The following RBFOX1 variants were observed in gnomAD, a reference collection of about 807,000 sequenced individuals.
RBFOX1 encodes the protein RNA binding protein fox-1 homolog 1.
A neutral mutation model predicts 57.7 loss-of-function variants in RBFOX1; 8 were observed. The ratio of observed to expected loss-of-function variants is 0.14; its 90% confidence interval spans 0.08 to 0.25. The LOEUF (loss-of-function observed/expected upper bound fraction) is 0.25. Among genes scored for constraint, RBFOX1 ranks in the 10% least tolerant of loss-of-function variants. The probability of loss-of-function intolerance (pLI) is 1.00; values close to 1 mark genes in which losing one functional copy is unlikely to be tolerated. For missense variants in RBFOX1, 611 were observed against 548.5 expected (o/e 1.11, Z -1.14); for synonymous variants, 326 against 222.4 (o/e 1.47, Z -4.15).
intron 4 of RBFOX1, among the ~76,000 whole-genome samples, chr16:7,294,289 C>T (rs1472566168): frequency 6.6e-6 from 1 of 152,130 alleles, no homozygotes; most frequent in East Asian, 1.9e-4. Flanking sequence ...GACTCCCACC[C>T]TCTCAACTGC....
At chr16:5,900,624 T>C (rs2058284051) in intron 4 of RBFOX1, among the ~76,000 whole-genome samples, 1 of 152,178 alleles carries the variant, frequency 6.6e-6, no homozygotes, top group East Asian at 1.9e-4. Context: ...GCCATCCCTC[T>C]AGCCCAGCAA....
chr16:5,753,370 A>G (rs1037641819), intron 3 of RBFOX1, among the ~76,000 whole-genome samples: 2 of 152,252 alleles, frequency 1.3e-5, no homozygotes, highest in African/African-American at 4.8e-5. Context: ...AGTGGTTATT[A>G]TTTTACTGCT....
chr16:6,356,678 C>A (rs2087381853), intron 2 of RBFOX1, among the ~76,000 whole-genome samples: 1 of 152,110 alleles, frequency 6.6e-6, no homozygotes, highest in African/African-American at 2.4e-5. Flanking sequence ...GTAAAGATAC[C>A]ATTACCGTGG....
At chr16:7,529,946 T>A (rs996919448) in intron 5 of RBFOX1, among the ~76,000 whole-genome samples, 23 of 147,448 alleles carry the variant, frequency 1.6e-4, no homozygotes, top group African/African-American at 5.7e-4. Context: ...GAGGCGGAGG[T>A]TGCAGTGAGC....
intron 4 of RBFOX1, among the ~76,000 whole-genome samples, chr16:5,870,032 C>G (rs1029395545): frequency 6.6e-6 from 1 of 151,782 alleles, no homozygotes; most frequent in Non-Finnish European, 1.5e-5. Flanking sequence ...ACCTGTATGA[C>G]TCTTAGTAAT....
intron 14 of RBFOX1, among the ~76,000 whole-genome samples, chr16:7,701,315 G>A (rs553661507): frequency 1.3e-5 from 2 of 151,884 alleles, no homozygotes; most frequent in South Asian, 2.1e-4. Flanking sequence ...GGGGTGGGGG[G>A]TGAGCAACGC....
chr16:5,590,540 A>C (rs4786726), intron 2 of RBFOX1, among the ~76,000 whole-genome samples: 2 of 152,054 alleles, frequency 1.3e-5, no homozygotes, highest in Non-Finnish European at 2.9e-5. Flanking sequence ...AGTTGGCTGC[A>C]TGCTCTTGGC....
chr16:6,190,543 T>G (rs1432740372), intron 1 of RBFOX1, among the ~76,000 whole-genome samples: 1 of 152,198 alleles, frequency 6.6e-6, no homozygotes, highest in Non-Finnish European at 1.5e-5. Flanking sequence ...GTTATGAAGT[T>G]GAATGAGAAA....
intron 1 of RBFOX1, among the ~76,000 whole-genome samples, chr16:5,375,629 ATGT>A (rs2065965898): frequency 6.6e-6 from 1 of 152,208 alleles, no homozygotes; most frequent in Admixed American, 6.5e-5. Flanking sequence ...ACTAACACTA[ATGT>A]TGTAATATCC....
At chr16:6,518,797 GTCTATCTA>G (rs58687392) in intron 2 of RBFOX1, among the ~76,000 whole-genome samples, 4,878 of 103,968 alleles carry the variant, frequency 0.047, 101 homozygotes, top group Admixed American at 0.073. Flanking sequence ...CTGTGTGTCT[GTCTATCTA>G]TCTATCTATC....
At chr16:7,623,804 C>T (rs1389406726) in intron 10 of RBFOX1, among the ~76,000 whole-genome samples, 4 of 152,130 alleles carry the variant, frequency 2.6e-5, no homozygotes, top group Admixed American at 2.0e-4. Context: ...TTGCAGATGA[C>T]CATCTTTTCT....
chr16:5,828,053 C>G (rs370129538), intron 3 of RBFOX1, among the ~76,000 whole-genome samples: 1 of 151,362 alleles, frequency 6.6e-6, no homozygotes, highest in African/African-American at 2.4e-5. Context: ...ATCCATCTAC[C>G]CACCCATCCA....
At chr16:5,905,343 G>C (rs2058432240) in intron 4 of RBFOX1, among the ~76,000 whole-genome samples, 2 of 151,940 alleles carry the variant, frequency 1.3e-5, no homozygotes, top group South Asian at 4.2e-4. Flanking sequence ...ATGAGCTGCT[G>C]TGACGGACCT....
intron 4 of RBFOX1, among the ~76,000 whole-genome samples, chr16:5,903,570 CAA>C (rs1391677895): frequency 6.6e-6 from 1 of 152,148 alleles, no homozygotes; most frequent in Non-Finnish European, 1.5e-5. Flanking sequence ...GCCAGCCAGA[CAA>C]AAACACTGTC....
At chr16:6,732,711 A>G (rs1036765876) in intron 3 of RBFOX1, among the ~76,000 whole-genome samples, 1 of 152,238 alleles carries the variant, frequency 6.6e-6, no homozygotes, top group Non-Finnish European at 1.5e-5. Context: ...CCTAAAGCAC[A>G]TAAGCCTGAT....
intron 3 of RBFOX1, among the ~76,000 whole-genome samples, chr16:5,798,905 C>G (rs1231082071): frequency 2.0e-5 from 3 of 152,006 alleles, no homozygotes; most frequent in South Asian, 2.1e-4. Flanking sequence ...CTGCGTCAGA[C>G]AGGCCCAATT....
intron 3 of RBFOX1, among the ~76,000 whole-genome samples, chr16:6,960,683 T>A (rs2082777903): frequency 6.6e-6 from 1 of 151,934 alleles, no homozygotes; most frequent in African/African-American, 2.4e-5. Context: ...AGGACCAGCA[T>A]CTCCTGTCTC....
chr16:5,997,760 C>G (rs1162414108), intron 4 of RBFOX1, among the ~76,000 whole-genome samples: 2 of 152,220 alleles, frequency 1.3e-5, no homozygotes, highest in East Asian at 3.8e-4. Context: ...TCTGTTAAAT[C>G]TCACTCAACT....
chr16:6,384,060 CTTTTT>C (rs5815305), intron 2 of RBFOX1, among the ~76,000 whole-genome samples: 2 of 126,630 alleles, frequency 1.6e-5, no homozygotes, highest in South Asian at 2.6e-4. Context: ...ATTGGTTTTG[CTTTTT>C]TTTTTTTTTT....
Sources: gnomAD v4.1 joint callset for allele counts (sites outside exome capture counted in the v4.1 genomes callset) on GRCh38, gnomAD v4.1.1 for gene constraint, MANE v1.5 for transcripts, NCBI Gene and HGNC (gene_info 2026-07-23, HGNC 2026-07-21) for gene names.